BUB1: variants seen among roughly 807,000 people sequenced by gnomAD.
The protein encoded by BUB1 is BUB1 mitotic checkpoint serine/threonine kinase.
A neutral mutation model predicts 135.2 loss-of-function variants in BUB1; 84 were observed. The ratio of observed to expected loss-of-function variants is 0.62; its 90% CI spans 0.52 to 0.74. BUB1 has a LOEUF of 0.74. Ranked by LOEUF, BUB1 falls within the 30% of genes least tolerant of loss-of-function variation. The pLI, the probability that BUB1 is intolerant of heterozygous loss-of-function variation, is 0.00. For synonymous variants in BUB1, 403 were observed against 434.4 expected, an observed-to-expected ratio of 0.93 and a Z score of 0.90; for missense variants, 1,162 against 1,288.3, an observed-to-expected ratio of 0.90 and a Z score of 1.50.
rs1801395 is a variant in BUB1, at chr2:110,650,637, G to C, written c.2112C>G (p.Asp704Glu). The C allele has an allele frequency of 6.2e-7, 1 of 1,613,896 alleles. No homozygotes were observed. Among genetic ancestry groups the C allele is most frequent in the Admixed American group, 1.7e-5 (1 of 59,954 alleles). ...GVEACRLTDT[D>E]AAIAEDPPDA... ...CTGGTGGATCTTCTGCAATGGCAGC[G>C]TCAGTGTCTGTGAGTCTGCAAGCCT... The change falls in exon 18 of 25, where the codon GAC becomes GAG. Residue 704 changes from aspartate (D) to glutamate (E), a missense_variant. Asp to Glu is a conservative substitution (Grantham distance 45). Transcript: ENST00000302759.
At position 110,667,596 on chromosome 2, in the gene BUB1, G is replaced by A. The variant is rs778903530; in HGVS notation, c.730C>T (p.Arg244Cys). The A allele has an allele frequency of 1.1e-5, 17 of 1,613,756 alleles. No individual in the cohort carries two copies. The highest frequency in any genetic ancestry group is 1.6e-4 in the Middle Eastern group (1 of 6,084). Residue 244 changes from arginine (R) to cysteine (C), a missense_variant, in exon 8 of 25, where the codon CGT becomes TGT. Arg to Cys is a radical substitution (Grantham distance 180, BLOSUM62 -3). Coordinates refer to ENST00000302759, the MANE Select transcript of BUB1 (RefSeq NM_004336.5). ...VVMYCKEKLIRGESEFSFEEL... is the reference protein window; with the variant it reads ...VVMYCKEKLICGESEFSFEEL... ...TCAAAGGAAAATTCTGATTCCCCACGAATAAGCTTCTCCTTGCAATACATA... is the reference window on the plus strand; with the variant it reads ...TCAAAGGAAAATTCTGATTCCCCACAAATAAGCTTCTCCTTGCAATACATA...
At chr2:110,665,056 C>G (rs1211821519) in intron 9 of BUB1, among the ~76,000 whole-genome samples, 3 of 152,162 alleles carry the variant, frequency 2.0e-5, no homozygotes, top group Admixed American at 2.0e-4. Context: ...TGATTTCTAA[C>G]AGTTTCTACA....
chr2:110,641,308 C>T lies in BUB1; in HGVS notation c.2782G>A (p.Gly928Arg), dbSNP rs370046867. Reference sequence around the variant, plus strand: ...CCCTGTTAAAAGCATAACACTTGCCCGTTTCCAAGTATGAAATTGTCTGGT... The same window carrying T: ...CCCTGTTAAAAGCATAACACTTGCCTGTTTCCAAGTATGAAATTGTCTGGT... ...IKPDNFILGNGFLEQDDEDDL... is the reference protein window; with the variant it reads ...IKPDNFILGNRFLEQDDEDDL... Residue 928 changes from glycine (G) to arginine (R), a missense_variant and splice_region_variant, in exon 22 of 25, where the codon GGA (glycine) becomes AGA (arginine). Physicochemically the swap from Gly to Arg is moderately radical, Grantham distance 125. Transcript: ENST00000302759. 2.7e-5 allele frequency: 43 copies of T among 1,604,700 alleles called. No individual in the cohort carries two copies. Among genetic ancestry groups the T allele is most frequent in the African/African-American group, 1.2e-4 (9 of 74,568 alleles).
chr2:110,639,659 C>A, intron 24 of BUB1, 83 bp downstream of exon 24: 1 of 1,085,584 alleles, frequency 9.2e-7, no homozygotes, highest in Non-Finnish European at 1.4e-6. Context: ...TGGCAGAGAT[C>A]CTTTTTTTTT....
In BUB1 at chr2:110,674,228, G is replaced by A. The variant is rs777575221; in HGVS notation, c.87-4C>T. 4 of 1,610,318 alleles carry A rather than the reference G, an allele frequency of 2.5e-6. No homozygotes were observed. In the South Asian group the frequency reaches 3.3e-5, roughly 13 times the overall value. On this transcript the variant is annotated splice_region_variant and splice_polypyrimidine_tract_variant and intron_variant, in intron 2 of 24. Transcript: ENST00000302759. ...CTCTTCTACCCACTGTATGTATCTA[G>A]AAAAATATGGATAATGTTAATTTTC...
chr2:110,666,009 G>A (rs556708116), intron 9 of BUB1: 42 of 332,340 alleles, frequency 1.3e-4, no homozygotes, highest in Middle Eastern at 8.0e-4. Flanking sequence ...ACCAGAAAAA[G>A]GTCTATATAT....
rs1227778830 is a variant in BUB1 at position 110,650,574 on chromosome 2, C to A, written c.2175G>T (p.Met725Ile). Residue 725 changes from methionine (M) to isoleucine (I), a missense_variant, in exon 18 of 25, where the codon ATG (methionine) becomes ATT (isoleucine). Coordinates refer to ENST00000302759, the MANE Select transcript of BUB1 (RefSeq NM_004336.5). ...IAGLQAEWMQ[M>I]SSLGTVDAPN... ...GAGCATCAACAGTCCCAAGTGAACT[C>A]ATCTGCATCCATTCTGCTTGGAGCC... 17 of 1,613,670 alleles carry A rather than the reference C, an allele frequency of 1.1e-5. No individual in the cohort carries two copies. Among genetic ancestry groups the A allele is most frequent in the Non-Finnish European group, 1.4e-5 (17 of 1,179,926 alleles).
rs1355500506 is a variant in BUB1 at position 110,642,222 on chromosome 2, A to T, written c.2360T>A (p.Val787Asp). The T allele has an allele frequency of 9.3e-6, 15 of 1,610,514 alleles. No homozygotes were observed. Among genetic ancestry groups the T allele is most frequent in the Non-Finnish European group, 1.3e-5 (15 of 1,177,910 alleles). ...TTCTCCAAGAAGGTGATGGACATAG[A>T]CCAGCTTAGAACCTTAGAAGATAAT... Reference protein sequence around the residue: ...KTEFQLGSKLVYVHHLLGEGA... With the variant: ...KTEFQLGSKLDYVHHLLGEGA... Residue 787 changes from valine to aspartate, a missense_variant, in exon 20 of 25, where the codon GTC becomes GAC. Coordinates refer to ENST00000302759, the MANE Select transcript of BUB1 (RefSeq NM_004336.5).
Position 110,648,665 on chromosome 2 carries a change from C to A in BUB1, c.2347+569G>T, listed in dbSNP as rs996744441. ...ATATATGGGGAGGTAGGAATATGTA[C>A]TTTATGCTGAATTTTTCTGTAAGCT... On this transcript the variant is annotated intron_variant, in intron 19 of 24. Coordinates refer to ENST00000302759, the MANE Select transcript of BUB1 (RefSeq NM_004336.5). The surrounding 1 kb of genome is among the most constrained non-coding windows in gnomAD (Gnocchi z 4.2). Among the ~76,000 whole-genome samples, 1 of 152,124 alleles carries A rather than the reference C, an allele frequency of 6.6e-6. No homozygotes were observed.
intron 19 of BUB1, among the ~76,000 whole-genome samples, chr2:110,645,419 G>T (rs183312363): frequency 2.0e-5 from 3 of 150,998 alleles, no homozygotes; most frequent in East Asian, 3.9e-4. Flanking sequence ...TCCAGCCTGG[G>T]TGATAGAGCG....
intron 1 of BUB1, 148 bp from the exon 2 acceptor site, chr2:110,674,513 A>G (rs1372394367): frequency 3.0e-6 from 2 of 673,792 alleles, no homozygotes; most frequent in Non-Finnish European, 5.0e-6. Flanking sequence ...TATATGCATT[A>G]AAATGAAAAT....
chr2:110,661,891 A>C, intron 9 of BUB1, 50 bp from the exon 10 acceptor site: 1 of 1,590,020 alleles, frequency 6.3e-7, no homozygotes, highest in East Asian at 2.2e-5. Context: ...GAAGTCCAGA[A>C]TACTACTAAT....
At chr2:110,667,472 A>AT (rs750713761) in intron 8 of BUB1, 49 bp downstream of exon 8, 1 of 1,530,838 alleles carries the variant, frequency 6.5e-7, no homozygotes, top group Admixed American at 2.1e-5. Flanking sequence ...AGAGATGAGG[A>AT]TTTTTTTATG....
chr2:110,677,938 G>A (rs1690637887), intron 1 of BUB1, 32 bp downstream of exon 1: 1 of 1,602,458 alleles, frequency 6.2e-7, no homozygotes, highest in Non-Finnish European at 8.5e-7. Context: ...CCAGCCCCCT[G>A]GGCTTCCCCA....
Position 110,670,137 on chromosome 2 carries a change from T to TC in BUB1, c.466+387_466+388insG, listed in dbSNP as rs1559174732. ...TAAAAATTGGATGGGTTTTTTTTTT[T>TC]TTTTTTTTTTTTTTTTGTGGAGACG... is the stretch of plus-strand genomic sequence containing the variant. On this transcript the variant is annotated intron_variant, in intron 5 of 24. Transcript: ENST00000302759. Among the ~76,000 whole-genome samples the TC allele has an allele frequency of 2.3e-4, 33 of 142,698 alleles. 1 individual carries two copies. Among genetic ancestry groups the TC allele is most frequent in the African/African-American group, 8.6e-4 (33 of 38,332 alleles). 93.6% of individuals were successfully genotyped at this position (142,698 alleles called of 152,430 possible).
Position 110,674,135 on chromosome 2 carries a change from TTA to T in BUB1, c.174_175del (p.Asp58GlufsTer7), listed in dbSNP as rs1690507403. 1 of 1,569,672 alleles carries T rather than the reference TTA, an allele frequency of 6.4e-7. No homozygotes were observed. Among genetic ancestry groups the T allele is most frequent in the Non-Finnish European group, 8.8e-7 (1 of 1,140,736 alleles). ...TCTTGGGTCATTGTGGTATTTCTTC[TTA>T]TCTAAAAATTCCTTCATTAAATGTT... On this transcript the variant is annotated frameshift_variant, in exon 3 of 25. Coordinates refer to ENST00000302759, the MANE Select transcript of BUB1 (RefSeq NM_004336.5). LOFTEE classifies it high-confidence loss of function.
intron 3 of BUB1, 22 bp from the exon 4 acceptor site, chr2:110,672,879 A>T (rs1322187752): frequency 3.2e-6 from 5 of 1,549,784 alleles, no homozygotes. Context: ...CAAAACAAAA[A>T]GACATAAGAA....
At chr2:110,655,983 A>G (rs1432971383) in intron 15 of BUB1, 67 bp from the exon 16 acceptor site, 5 of 1,441,208 alleles carry the variant, frequency 3.5e-6, no homozygotes, top group Admixed American at 1.9e-5. Context: ...ACCTTATTCA[A>G]TAACACTTTA....
At chr2:110,651,470 T>C (rs1184092304) in intron 17 of BUB1, among the ~76,000 whole-genome samples, 2 of 152,256 alleles carry the variant, frequency 1.3e-5, no homozygotes, top group Non-Finnish European at 2.9e-5. Context: ...GTTTGTTTTT[T>C]AAGCTAAGTG....
Sources: gnomAD v4.1 joint callset for allele counts (sites outside exome capture counted in the v4.1 genomes callset) on GRCh38, gnomAD v4.1.1 for gene constraint, Gnocchi (gnomAD v3.1) non-coding constraint, MANE v1.5 for transcripts, NCBI Gene and HGNC (gene_info 2026-07-23, HGNC 2026-07-21) for gene names.